SPAST: variants seen among roughly 807,000 people sequenced by gnomAD.
SPAST encodes spastic paraplegia 4 (autosomal dominant; spastin).
A neutral mutation model predicts 76.6 loss-of-function variants in SPAST; 30 were observed. The ratio of observed to expected loss-of-function variants is 0.39; its 90% confidence interval spans 0.29 to 0.53. The LOEUF (loss-of-function observed/expected upper bound fraction) is 0.53, where lower values mean the gene tolerates loss of function less well. SPAST is among the 20% of genes least tolerant of loss of function. The pLI, the probability that SPAST is intolerant of heterozygous loss-of-function variation, is 0.68. For missense variants in SPAST, 717 were observed against 770.5 expected, an observed-to-expected ratio of 0.93 and a Z score of 0.82; for synonymous variants, 305 against 281.0, an observed-to-expected ratio of 1.09 and a Z score of -0.86.
At chr2:32,082,584 T>A (rs1276247144) in intron 1 of SPAST, among the ~76,000 whole-genome samples, 1 of 151,916 alleles carries the variant, frequency 6.6e-6, no homozygotes, top group Non-Finnish European at 1.5e-5. Flanking sequence ...TCATCCCAGC[T>A]ACTTGGGAGG....
chr2:32,102,053 A>C (rs929827483), intron 4 of SPAST, among the ~76,000 whole-genome samples: 4 of 152,122 alleles, frequency 2.6e-5, no homozygotes, highest in Non-Finnish European at 4.4e-5. Flanking sequence ...TGAATCTATA[A>C]ATTACCTTGG....
chr2:32,131,482 G>C (rs559152743), intron 9 of SPAST, among the ~76,000 whole-genome samples: 1 of 152,166 alleles, frequency 6.6e-6, no homozygotes, highest in South Asian at 2.1e-4. Context: ...GCTGTGAGTA[G>C]GTATTGAATA....
At chr2:32,136,018 C>A (rs1179445317) in intron 9 of SPAST, among the ~76,000 whole-genome samples, 1 of 148,702 alleles carries the variant, frequency 6.7e-6, no homozygotes, top group African/African-American at 2.5e-5. Flanking sequence ...GCAAAAGTCA[C>A]AGTGAGCCGA....
intron 3 of SPAST, among the ~76,000 whole-genome samples, chr2:32,095,592 A>G (rs1283571947): frequency 3.3e-5 from 5 of 151,044 alleles, no homozygotes; most frequent in African/African-American, 7.3e-5. Flanking sequence ...AAAAATAGCC[A>G]GGAGTGGTGA....
At chr2:32,064,362 T>G (rs1178155083) in intron 1 of SPAST, 116 bp downstream of exon 1, 2 of 953,252 alleles carry the variant, frequency 2.1e-6, no homozygotes, top group African/African-American at 1.7e-5. Flanking sequence ...ACCCCCGGAA[T>G]TGATATGCCC....
intron 12 of SPAST, among the ~76,000 whole-genome samples, chr2:32,139,648 T>TTTAGTA (rs751198567): frequency 1.3e-5 from 2 of 151,600 alleles, no homozygotes; most frequent in Non-Finnish European, 2.9e-5. Flanking sequence ...ACCAACATGG[T>TTTAGTA]GAAACCCCGT....
At chr2:32,143,566 C>T in intron 14 of SPAST, 151 bp downstream of exon 14, 2 of 632,428 alleles carry the variant, frequency 3.2e-6, no homozygotes, top group Middle Eastern at 4.4e-4. Flanking sequence ...TTGCCTTTTT[C>T]TTACCTCTTG....
At position 32,111,356 on chromosome 2, in the gene SPAST, T is replaced by C. The variant is rs539901016; in HGVS notation, c.683-3282T>C. ...CGTATATATACAGTATACTGTATAG[T>C]GTGTATAGCGTATATATAGTATACT... On this transcript the variant is annotated intron_variant, in intron 4 of 16. Transcript: ENST00000315285. Among the ~76,000 whole-genome samples, 269 of 127,890 alleles carry C rather than the reference T, an allele frequency of 2.1e-3. 30 individuals carry two copies. Among genetic ancestry groups the C allele is most frequent in the African/African-American group, 5.3e-3 (200 of 37,480 alleles). 83.9% of individuals were successfully genotyped at this position (127,890 alleles called of 152,430 possible).
chr2:32,085,542 C>T (rs1049623341), intron 1 of SPAST, among the ~76,000 whole-genome samples: 1 of 152,030 alleles, frequency 6.6e-6, no homozygotes, highest in Non-Finnish European at 1.5e-5. Flanking sequence ...TTTACATGTC[C>T]TTATCAAGTA....
chr2:32,111,970 T>TTAGTAGTAGTAGTAGTAGTAG (rs55815291), intron 4 of SPAST, among the ~76,000 whole-genome samples: 5 of 141,270 alleles, frequency 3.5e-5, no homozygotes, highest in African/African-American at 1.3e-4. Flanking sequence ...TATAATTAAG[T>TTAGTAGTAGTAGTAGTAGTAG]TAGTAGTAGT....
chr2:32,079,799 A>G lies in SPAST; in HGVS notation c.416-7693A>G, dbSNP rs902042133. On this transcript the variant is annotated intron_variant, in intron 1 of 16. Transcript: ENST00000315285. ...TCTAACTCCTGGGCTCAGTCAGTCC[A>G]CTTTTGCCTCGGCATGAGCCACTGT... Among the ~76,000 whole-genome samples the G allele has an allele frequency of 5.4e-4, 82 of 152,266 alleles. 1 individual carries two copies. The highest frequency in any genetic ancestry group is 1.8e-3 in the African/African-American group (74 of 41,560).
At chr2:32,151,746 C>T (rs1001334244) in intron 16 of SPAST, among the ~76,000 whole-genome samples, 1 of 151,944 alleles carries the variant, frequency 6.6e-6, no homozygotes, top group Non-Finnish European at 1.5e-5. Flanking sequence ...CCCGTCTCCA[C>T]TAAAAATACA....
intron 4 of SPAST, among the ~76,000 whole-genome samples, chr2:32,107,530 G>A (rs1678372422): frequency 6.6e-6 from 1 of 152,146 alleles, no homozygotes; most frequent in East Asian, 1.9e-4. Flanking sequence ...TGGGATTACA[G>A]TCATGAGCCA....
chr2:32,157,633 C>CT lies in SPAST; in HGVS notation c.*3140dup, dbSNP rs1305861190. On this transcript the variant is annotated 3_prime_UTR_variant, in exon 17 of 17. Coordinates refer to ENST00000315285, the MANE Select transcript of SPAST (RefSeq NM_014946.4). ...TAATGTATTGGAAATAAATGATAAA[C>CT]TTTATTTTGTCTTTACTTTTTTACT... 6.6e-6 allele frequency: 1 copy of CT among 152,344 alleles called. No individual in the cohort carries two copies. Among genetic ancestry groups the CT allele is most frequent in the Admixed American group, 6.5e-5 (1 of 15,270 alleles). The allele number at this position is 152,344 out of a possible 1,614,324, so 9.4% of individuals were successfully genotyped here. A position where few individuals can be genotyped will look rare whatever the true frequency, so the allele number is the denominator to read the frequency against.
intron 1 of SPAST, among the ~76,000 whole-genome samples, chr2:32,066,475 C>T (rs1676515566): frequency 1.3e-5 from 2 of 151,790 alleles, no homozygotes; most frequent in South Asian, 4.2e-4. Context: ...TGAGACCATC[C>T]TGGCCAACAT....
intron 12 of SPAST, among the ~76,000 whole-genome samples, chr2:32,137,947 A>G (rs1470173360): frequency 6.6e-6 from 1 of 152,176 alleles, no homozygotes; most frequent in African/African-American, 2.4e-5. Flanking sequence ...GCGTAGTATT[A>G]AGGCCTCCAC....
At chr2:32,113,971 ATCTC>A (rs1678724037) in intron 4 of SPAST, among the ~76,000 whole-genome samples, 1 of 148,144 alleles carries the variant, frequency 6.8e-6, no homozygotes, top group Non-Finnish European at 1.5e-5. Context: ...TTGAGATGGA[ATCTC>A]TCTCTGTCGC....
chr2:32,145,806 G>A (rs1033291243), intron 15 of SPAST, among the ~76,000 whole-genome samples: 9 of 152,148 alleles, frequency 5.9e-5, no homozygotes, highest in African/African-American at 1.9e-4. Flanking sequence ...AGCCAGCATC[G>A]GTAGTGGATG....
intron 1 of SPAST, among the ~76,000 whole-genome samples, chr2:32,069,117 G>T (rs1042386985): frequency 6.6e-6 from 1 of 151,566 alleles, no homozygotes; most frequent in Non-Finnish European, 1.5e-5. Context: ...GGACGCTGAC[G>T]CAGGACAATT....
Sources: gnomAD v4.1 joint callset for allele counts (sites outside exome capture counted in the v4.1 genomes callset) on GRCh38, gnomAD v4.1.1 for gene constraint, MANE v1.5 for transcripts, NCBI Gene and HGNC (gene_info 2026-07-23, HGNC 2026-07-21) for gene names.